The following FAM149A variants were observed in gnomAD, a reference collection of about 807,000 sequenced individuals.
FAM149A encodes protein FAM149A.
In FAM149A, 71 loss-of-function variants were observed where a neutral mutation model predicts 78.2. The ratio of observed to expected loss-of-function variants is 0.91; its 90% CI spans 0.75 to 1.11. The LOEUF is 1.11. Among genes scored for constraint, FAM149A ranks in the 50% least tolerant of loss-of-function variants. FAM149A has a pLI of 0.00. For synonymous variants in FAM149A, 446 were observed against 410.5 expected, an observed-to-expected ratio of 1.09 and a Z score of -1.04; for missense variants, 1,036 against 971.0, an observed-to-expected ratio of 1.07 and a Z score of -0.89.
chr4:186,163,738 T>C, intron 10 of FAM149A, 105 bp downstream of exon 10: 4 of 804,484 alleles, frequency 5.0e-6, no homozygotes, highest in Non-Finnish European at 8.3e-6. Context: ...TACCTAGTTT[T>C]ACATAGATGC....
chr4:186,150,617 C>T (rs1428899269), intron 3 of FAM149A, among the ~76,000 whole-genome samples: 1 of 139,396 alleles, frequency 7.2e-6, no homozygotes, highest in African/African-American at 2.7e-5. Context: ...GACGGGGTTT[C>T]ACCGTGTTAG....
chr4:186,162,810 CTTTTTTTTT>C (rs56973296), intron 8 of FAM149A, 26 bp from the exon 9 acceptor site: 5 of 561,972 alleles, frequency 8.9e-6, no homozygotes, highest in Non-Finnish European at 1.5e-5. Flanking sequence ...ATTTGTAATT[CTTTTTTTTT>C]TTTTTTTTTT....
intron 1 of FAM149A, among the ~76,000 whole-genome samples, chr4:186,129,135 CTGTG>C (rs1233164400): frequency 7.3e-6 from 1 of 137,270 alleles, no homozygotes; most frequent in African/African-American, 2.7e-5. Context: ...GTATGTGCCT[CTGTG>C]TGTCTGTGTG....
At chr4:186,120,846 T>G (rs1337165194) in intron 1 of FAM149A, among the ~76,000 whole-genome samples, 1 of 29,132 alleles carries the variant, frequency 3.4e-5, no homozygotes, top group Non-Finnish European at 7.7e-5. Flanking sequence ...CAAAATAATA[T>G]TCTTTTTTTT....
intron 3 of FAM149A, chr4:186,151,010 G>GCTTTCTTTAAA: frequency 1.0e-6 from 1 of 985,202 alleles, no homozygotes; most frequent in African/African-American, 1.7e-5. Context: ...CAGCCTCTTT[G>GCTTTCTTTAAA]CTTTCTTTAA....
At chr4:186,140,244 A>G (rs2099325236) in intron 1 of FAM149A, among the ~76,000 whole-genome samples, 1 of 152,196 alleles carries the variant, frequency 6.6e-6, no homozygotes, top group Non-Finnish European at 1.5e-5. Flanking sequence ...ATAACTTTAT[A>G]TCTTATATTA....
chr4:186,160,649 CCACACCTACACACCCCACACATACACA>C, intron 8 of FAM149A: 1 of 237,244 alleles, frequency 4.2e-6, no homozygotes, highest in Non-Finnish European at 6.8e-6. Flanking sequence ...TGTACACACC[CCACACCTACACACCCCACACATACACA>C]CACACCTTCA....
chr4:186,151,932 G>C lies in FAM149A; in HGVS notation c.819G>C (p.Val273=), dbSNP rs1733616980. The change falls in exon 4 of 14, where the codon GTG becomes GTC. Residue 273 remains valine, a synonymous_variant. Coordinates refer to ENST00000389354, the MANE Select transcript of FAM149A (RefSeq NM_001367768.3). ...TTGACGAAGCCAGTTCACAGTCAGT[G>C]CAGCGGTTACTCTGGGAGGTGGAGG... is the stretch of plus-strand genomic sequence containing the variant. 2.5e-6 allele frequency: 4 copies of C among 1,614,160 alleles called. No homozygotes were observed. The highest frequency in any genetic ancestry group is 2.5e-6 in the Non-Finnish European group (3 of 1,180,010).
At chr4:186,145,244 C>A in intron 1 of FAM149A, 1 of 723,396 alleles carries the variant, frequency 1.4e-6, no homozygotes, top group Non-Finnish European at 1.7e-6. Flanking sequence ...TCAGGCCGGC[C>A]CCGGGCATGG....
At chr4:186,154,855 G>A (rs568619034) in intron 6 of FAM149A, 1 of 985,398 alleles carries the variant, frequency 1.0e-6, no homozygotes, top group Admixed American at 6.1e-5. Context: ...CCTTGTAAAA[G>A]CAGACAAGGC....
rs1300185622 is a variant in FAM149A, at chr4:186,173,281, G to T, written c.*1294G>T. ...ACATTAATGTTGTCCTTTATCACAG[G>T]GTGACAAAAATGACCCAGAGCCTTG... On this transcript the variant is annotated 3_prime_UTR_variant, in exon 14 of 14. Transcript: ENST00000389354. Among the ~76,000 whole-genome samples the T allele has an allele frequency of 8.9e-6, 1 of 112,128 alleles. No homozygotes were observed. Among genetic ancestry groups the T allele is most frequent in the African/African-American group, 2.8e-5 (1 of 35,780 alleles). 73.6% of individuals were successfully genotyped at this position (112,128 alleles called of 152,430 possible). A position where few individuals can be genotyped will look rare whatever the true frequency, so the allele number is the denominator to read the frequency against.
At chr4:186,150,407 C>CTCTG (rs1438431794) in intron 3 of FAM149A, among the ~76,000 whole-genome samples, 2 of 141,340 alleles carry the variant, frequency 1.4e-5, no homozygotes, top group African/African-American at 5.3e-5. Flanking sequence ...CTCTCTCTCT[C>CTCTG]TGTCTCTTTT....
At chr4:186,158,505 G>A in intron 8 of FAM149A, 2 of 1,023,700 alleles carry the variant, frequency 2.0e-6, no homozygotes, top group Non-Finnish European at 2.3e-6. Flanking sequence ...ACCCTGAAGA[G>A]ATTGAGGTGG....
intron 1 of FAM149A, chr4:186,126,768 C>T (rs550091937): frequency 3.7e-4 from 209 of 559,234 alleles, no homozygotes; most frequent in Middle Eastern, 2.8e-3. Flanking sequence ...GCAGATGATG[C>T]GACTTCTTAG....
Position 186,146,744 on chromosome 4 carries a change from T to TA in FAM149A, c.567-2427dup, listed in dbSNP as rs368615037. 1,338 of 966,586 alleles carry TA rather than the reference T, an allele frequency of 1.4e-3. 14 individuals are homozygous for TA. The African/African-American group carries it at 0.021, about 15-fold the overall frequency. The allele number at this position is 966,586 out of a possible 1,614,324, so 59.9% of individuals were successfully genotyped here. ...TGCCCAAAGAAGAGCTGTGACTTTT[T>TA]AACGAGTAAAACGTTATCCAATAGT... On this transcript the variant is annotated intron_variant, in intron 1 of 13. Coordinates refer to ENST00000389354, the MANE Select transcript of FAM149A (RefSeq NM_001367768.3).
Position 186,152,055 on chromosome 4 carries a change from T to G in FAM149A, c.932+10T>G. 2.5e-6 allele frequency: 4 copies of G among 1,613,120 alleles called. No individual in the cohort carries two copies. The highest frequency in any genetic ancestry group is 3.4e-6 in the Non-Finnish European group (4 of 1,179,890). On this transcript the variant is annotated intron_variant, in intron 4 of 13. Coordinates refer to ENST00000389354, the MANE Select transcript of FAM149A (RefSeq NM_001367768.3). ...GATCCCTCCATTTGAGGTGGGACCT[T>G]GGTGGTGGAAGTTCTCTGGGGTGGG...
chr4:186,163,779 T>G, intron 10 of FAM149A, 146 bp downstream of exon 10: 1 of 663,332 alleles, frequency 1.5e-6, no homozygotes, highest in Admixed American at 2.4e-5. Flanking sequence ...GCATTTAACA[T>G]TCCGCTTGCT....
rs1229621524 is a variant in FAM149A at position 186,144,892 on chromosome 4, C to T, written c.567-4281C>T. ...GTGCGAGCCCCGCGGACCCCGGGCG[C>T]GCCCGGGCCGCCTGAGCTGGGCCAG... On this transcript the variant is annotated intron_variant, in intron 1 of 13. Coordinates refer to ENST00000389354, the MANE Select transcript of FAM149A (RefSeq NM_001367768.3). The surrounding 1 kb of genome is among the most constrained non-coding windows in gnomAD (Gnocchi z 4.2). The T allele has an allele frequency of 2.1e-6, 2 of 970,720 alleles. No individual in the cohort carries two copies. Among genetic ancestry groups the T allele is most frequent in the Non-Finnish European group, 2.4e-6 (2 of 823,982 alleles). 60.1% of individuals were successfully genotyped at this position (970,720 alleles called of 1,614,324 possible).
At chr4:186,154,368 C>G in intron 5 of FAM149A, 100 bp from the exon 6 acceptor site, 4 of 1,002,354 alleles carry the variant, frequency 4.0e-6, no homozygotes, top group Non-Finnish European at 2.8e-6. Context: ...GGGGGGGATT[C>G]TGTACTTTAC....
Sources: gnomAD v4.1 joint callset for allele counts (sites outside exome capture counted in the v4.1 genomes callset) on GRCh38, gnomAD v4.1.1 for gene constraint, Gnocchi (gnomAD v3.1) non-coding constraint, MANE v1.5 for transcripts, NCBI Gene and HGNC (gene_info 2026-07-23, HGNC 2026-07-21) for gene names.